ALDH2: variants seen among roughly 807,000 people sequenced by gnomAD.
ALDH2 encodes the protein aldehyde dehydrogenase 2 family member.
ALDH2 carries 44 observed loss-of-function variants against 59.6 expected under a neutral mutation model. The ratio of observed to expected loss-of-function variants is 0.74; its 90% CI spans 0.58 to 0.95. The LOEUF (loss-of-function observed/expected upper bound fraction) is 0.95, where lower values mean the gene tolerates loss of function less well. ALDH2 is among the 40% of genes least tolerant of loss of function. ALDH2 has a pLI of 0.00. For synonymous variants in ALDH2, 291 were observed against 284.0 expected, an observed-to-expected ratio of 1.02 and a Z score of -0.25; for missense variants, 570 against 696.3, an observed-to-expected ratio of 0.82 and a Z score of 2.04.
chr12:111,798,961 A>G (rs973675777), intron 10 of ALDH2, among the ~76,000 whole-genome samples: 9 of 150,040 alleles, frequency 6.0e-5, no homozygotes, highest in Admixed American at 4.0e-4. Context: ...GTGAGCCGAG[A>G]TCGCGCCACT....
chr12:111,788,015 G>T (rs1160986811), intron 4 of ALDH2, among the ~76,000 whole-genome samples: 1 of 151,706 alleles, frequency 6.6e-6, no homozygotes, highest in Non-Finnish European at 1.5e-5. Flanking sequence ...CTCCAGCCTG[G>T]GCAACAGAGC....
intron 9 of ALDH2, 94 bp from the exon 10 acceptor site, chr12:111,797,984 C>T (rs2068418719): frequency 6.1e-6 from 9 of 1,468,190 alleles, no homozygotes; most frequent in Non-Finnish European, 4.7e-6. Flanking sequence ...TGGTCCATTT[C>T]CCAGTTGTCT....
chr12:111,798,270 A>AC, intron 10 of ALDH2, 28 bp downstream of exon 10: 1 of 1,522,592 alleles, frequency 6.6e-7, no homozygotes, highest in Non-Finnish European at 8.8e-7. Flanking sequence ...GTGCTCTGGA[A>AC]ACATTCTTGG....
chr12:111,768,758 C>G (rs1378016870), intron 1 of ALDH2, among the ~76,000 whole-genome samples: 2 of 152,082 alleles, frequency 1.3e-5, no homozygotes, highest in African/African-American at 2.4e-5. Context: ...GTGGGATGAT[C>G]CCTTGAGCCT....
At chr12:111,798,026 A>G in intron 9 of ALDH2, 52 bp from the exon 10 acceptor site, 2 of 1,605,764 alleles carry the variant, frequency 1.2e-6, no homozygotes, top group Non-Finnish European at 1.7e-6. Flanking sequence ...CCTGAAGCCT[A>G]GGAGAGGTCT....
chr12:111,800,310 C>G (rs542666146), intron 11 of ALDH2, among the ~76,000 whole-genome samples: 1 of 152,342 alleles, frequency 6.6e-6, no homozygotes, highest in Non-Finnish European at 1.5e-5. Flanking sequence ...CCAGCTGCCT[C>G]AGGGCAGGAG....
rs868852015 is a variant in ALDH2 at position 111,790,489 on chromosome 12, G to A, written c.608G>A (p.Gly203Glu). The part of the protein sequence containing the change: ...AWKLGPALAT[G>E]NVVVMKVAEQ... ...AAGCTGGGCCCAGCCTTGGCAACTG[G>A]AAACGTGGTTGTGATGAAGGTAGCT... The change falls in exon 6 of 13, where the codon GGA becomes GAA. Residue 203 changes from glycine to glutamate, a missense_variant. By Grantham distance (98) the Gly-to-Glu change is moderately conservative (BLOSUM62 -2). Coordinates refer to ENST00000261733, the MANE Select transcript of ALDH2 (RefSeq NM_000690.4). The A allele has an allele frequency of 6.2e-7, 1 of 1,614,202 alleles. No homozygotes were observed. Among genetic ancestry groups the A allele is most frequent in the Non-Finnish European group, 8.5e-7 (1 of 1,180,036 alleles).
chr12:111,798,558 A>T (rs773309517), intron 10 of ALDH2, among the ~76,000 whole-genome samples: 1 of 152,032 alleles, frequency 6.6e-6, no homozygotes, highest in Non-Finnish European at 1.5e-5. Flanking sequence ...TCTTTCAGTC[A>T]GATTCTTGCT....
chr12:111,806,409 A>G (rs896200684), intron 12 of ALDH2, among the ~76,000 whole-genome samples: 3 of 152,250 alleles, frequency 2.0e-5, no homozygotes, highest in African/African-American at 4.8e-5. Flanking sequence ...GTTTAACCAG[A>G]AAACATAAAC....
chr12:111,789,796 C>G (rs764810743), intron 4 of ALDH2, 27 bp from the exon 5 acceptor site: 5 of 1,589,596 alleles, frequency 3.1e-6, no homozygotes, highest in Non-Finnish European at 3.5e-6. Flanking sequence ...ATCATTGATT[C>G]GAGCTTGAAC....
intron 10 of ALDH2, among the ~76,000 whole-genome samples, chr12:111,798,490 G>A (rs1183171416): frequency 6.6e-6 from 1 of 152,066 alleles, no homozygotes; most frequent in Non-Finnish European, 1.5e-5. Context: ...TTGGTGTCCT[G>A]GCCCTCAGAG....
At chr12:111,784,150 CA>C (rs1398330521) in intron 3 of ALDH2, among the ~76,000 whole-genome samples, 1 of 152,154 alleles carries the variant, frequency 6.6e-6, no homozygotes, top group African/African-American at 2.4e-5. Flanking sequence ...CCTGTCTCTA[CA>C]AAAAGTTAAA....
At chr12:111,781,442 C>G (rs1267369105) in intron 1 of ALDH2, among the ~76,000 whole-genome samples, 1 of 152,160 alleles carries the variant, frequency 6.6e-6, no homozygotes, top group Non-Finnish European at 1.5e-5. Context: ...AGTCAGGAAG[C>G]CCAAGCAGCC....
chr12:111,772,789 T>C (rs1316179490), intron 1 of ALDH2, among the ~76,000 whole-genome samples: 1 of 151,378 alleles, frequency 6.6e-6, no homozygotes, highest in Non-Finnish European at 1.5e-5. Flanking sequence ...TCCTCCTGCG[T>C]CAGCCACTAG....
Position 111,799,947 on chromosome 12 carries a change from A to T in ALDH2, c.1290A>T (p.Ile430=). 6.2e-7 allele frequency: 1 copy of T among 1,614,100 alleles called. No individual in the cohort carries two copies. The change falls in exon 11 of 13, where the codon ATA becomes ATT. Residue 430 remains isoleucine (I), a synonymous_variant. Transcript: ENST00000261733. ...TGCAGATCCTGAAGTTCAAGACCAT[A>T]GAGGAGGTTGTTGGGAGAGCCAACA... The part of the protein sequence containing the change: ...PVMQILKFKT[I]EEVVGRANNS...
Position 111,789,086 on chromosome 12 carries a change from C to T in ALDH2, c.441-737C>T, listed in dbSNP as rs374777118. 7.6e-5 allele frequency among the ~76,000 whole-genome samples: 11 copies of T among 144,480 alleles called. No homozygotes were observed. In the South Asian group the frequency reaches 2.0e-3, roughly 27 times the overall value. The allele number at this position is 144,480 out of a possible 152,430, so 94.8% of individuals were successfully genotyped here. A position where few individuals can be genotyped will look rare whatever the true frequency, so the allele number is the denominator to read the frequency against. On this transcript the variant is annotated intron_variant, in intron 4 of 12. Coordinates refer to ENST00000261733, the MANE Select transcript of ALDH2 (RefSeq NM_000690.4). ...AGGCTGGAGTACAGTGGCGTGATCTCGGCTCACTGCAACCTCCGCCTCCCA... is the reference window on the plus strand; with the variant it reads ...AGGCTGGAGTACAGTGGCGTGATCTTGGCTCACTGCAACCTCCGCCTCCCA...
intron 1 of ALDH2, among the ~76,000 whole-genome samples, chr12:111,774,326 G>A (rs1365055028): frequency 6.6e-6 from 1 of 152,150 alleles, no homozygotes; most frequent in Non-Finnish European, 1.5e-5. Context: ...GTGGCATTCC[G>A]TGTTTGTCTT....
At position 111,811,288 on chromosome 12, in the gene ALDH2, G is replaced by T. The variant is rs897356690; in HGVS notation, c.*1713G>T. Reference sequence around the variant, plus strand: ...TGCTTGAACCTGGGAGGCAGAGGTTGCAGTGAGCCAAGATTGCTCCATTGT... The same window carrying T: ...TGCTTGAACCTGGGAGGCAGAGGTTTCAGTGAGCCAAGATTGCTCCATTGT... On this transcript the variant is annotated 3_prime_UTR_variant, in exon 13 of 13. Transcript: ENST00000261733. 1 of 151,680 alleles carries T rather than the reference G, an allele frequency of 6.6e-6. No homozygotes were observed. Among genetic ancestry groups the T allele is most frequent in the African/African-American group, 2.4e-5 (1 of 41,332 alleles). The allele number at this position is 151,680 out of a possible 1,614,324, so 9.4% of individuals were successfully genotyped here.
In ALDH2 at chr12:111,809,547, C is replaced by G. The variant is rs904273975; in HGVS notation, c.1526C>G (p.Thr509Arg). The change falls in exon 13 of 13, where the codon ACA becomes AGA. Residue 509 changes from threonine to arginine, a missense_variant. Coordinates refer to ENST00000261733, the MANE Select transcript of ALDH2 (RefSeq NM_000690.4). ...LQAYTEVKTV[T>R]VKVPQKNS ...GCTTCTCTGTCCCCCTTACAGGTCA[C>G]AGTCAAAGTGCCTCAGAAGAACTCA... is the stretch of plus-strand genomic sequence containing the variant. 6.2e-7 allele frequency: 1 copy of G among 1,614,144 alleles called. No individual in the cohort carries two copies. The highest frequency in any genetic ancestry group is 1.3e-5 in the African/African-American group (1 of 75,042).
Sources: allele counts gnomAD v4.1 joint callset (sites outside exome capture counted in the v4.1 genomes callset), GRCh38; gene constraint gnomAD v4.1.1; transcripts MANE v1.5; gene names NCBI Gene and HGNC (gene_info 2026-07-23, HGNC 2026-07-21).